Variants in NLRP9 observed in about 807,000 individuals in gnomAD.
The protein encoded by NLRP9 is NACHT, LRR and PYD domains-containing protein 9.
In NLRP9, 88 loss-of-function variants were observed where a neutral mutation model predicts 83.1. The ratio of observed to expected loss-of-function variants is 1.06; its 90% CI spans 0.89 to 1.26. The LOEUF (loss-of-function observed/expected upper bound fraction) is 1.26. NLRP9 is among the 50% of genes most tolerant of loss of function. The pLI is 0.00. For missense variants in NLRP9, 1,308 were observed against 1,179.3 expected (o/e 1.11, Z -1.60); for synonymous variants, 521 against 447.6 (o/e 1.16, Z -2.07).
chr19:55,711,538 C>G (rs1987725389), intron 8 of NLRP9: 1 of 1,193,734 alleles, frequency 8.4e-7, no homozygotes, highest in South Asian at 1.3e-5. Context: ...CGAGGGACTT[C>G]TGACAATTTC....
At chr19:55,728,355 T>C (rs1182677733) in intron 3 of NLRP9, among the ~76,000 whole-genome samples, 1 of 151,972 alleles carries the variant, frequency 6.6e-6, no homozygotes, top group Non-Finnish European at 1.5e-5. Flanking sequence ...GGCGGGCGCA[T>C]CACAAGGCCA....
chr19:55,735,797 C>G (rs1409067253), intron 1 of NLRP9, among the ~76,000 whole-genome samples: 5 of 151,982 alleles, frequency 3.3e-5, no homozygotes, highest in African/African-American at 9.7e-5. Flanking sequence ...TAGTGATTCT[C>G]GTGCCTCAGC....
rs776671959 is a variant in NLRP9 at position 55,712,403 on chromosome 19, G to A, written c.2672+17C>T. 13 of 1,597,878 alleles carry A rather than the reference G, an allele frequency of 8.1e-6. No homozygotes were observed. In the East Asian group the frequency reaches 2.5e-4, roughly 30 times the overall value. ...AATAGATAAATTTTCCTACGATGGT[G>A]ATCAGTAGATACTCACCCGAGACAC... On this transcript the variant is annotated intron_variant, in intron 7 of 8. Coordinates refer to ENST00000332836, the MANE Select transcript of NLRP9 (RefSeq NM_176820.4).
intron 1 of NLRP9, among the ~76,000 whole-genome samples, chr19:55,736,826 TC>T (rs1313308134): frequency 1.4e-5 from 2 of 146,170 alleles, no homozygotes; most frequent in Non-Finnish European, 3.0e-5. Context: ...AGAGCAAGAC[TC>T]CGTCTCAAAA....
At chr19:55,719,325 G>A (rs1043859139) in intron 4 of NLRP9, among the ~76,000 whole-genome samples, 2 of 152,094 alleles carry the variant, frequency 1.3e-5, no homozygotes, top group Non-Finnish European at 2.9e-5. Context: ...GCTAATTTTT[G>A]TATTTTTAGT....
chr19:55,723,925 C>G, intron 4 of NLRP9, 55 bp downstream of exon 4: 1 of 1,470,490 alleles, frequency 6.8e-7, no homozygotes, highest in Non-Finnish European at 9.3e-7. Context: ...GAAAATCAAA[C>G]TGCAAAGCCC....
rs752732237 is a variant in NLRP9 at position 55,736,409 on chromosome 19, G to A, written c.280+1686C>T. 2.6e-5 allele frequency among the ~76,000 whole-genome samples: 4 copies of A among 151,740 alleles called. No homozygotes were observed. The South Asian group carries it at 6.2e-4, about 24-fold the overall frequency. ...CCGTCTCAAAAAAGAAAAAAGTCATGTCATGTCTTAGAGATTTTTATAACA... is the reference window on the plus strand; with the variant it reads ...CCGTCTCAAAAAAGAAAAAAGTCATATCATGTCTTAGAGATTTTTATAACA... On this transcript the variant is annotated intron_variant, in intron 1 of 8. Coordinates refer to ENST00000332836, the MANE Select transcript of NLRP9 (RefSeq NM_176820.4).
Position 55,708,802 on chromosome 19 carries a change from A to G in NLRP9, c.*110T>C. 1.4e-6 allele frequency: 1 copy of G among 709,798 alleles called. No individual in the cohort carries two copies. The highest frequency in any genetic ancestry group is 2.3e-6 in the Non-Finnish European group (1 of 441,508). 44.0% of individuals were successfully genotyped at this position (709,798 alleles called of 1,614,324 possible). A position where few individuals can be genotyped will look rare whatever the true frequency, so the allele number is the denominator to read the frequency against. ...AGAACACTTAGGGAGTACCTCTGAA[A>G]TCACAGCCCTGCTGCCATGATGTGC... On this transcript the variant is annotated 3_prime_UTR_variant, in exon 9 of 9. Transcript: ENST00000332836.
chr19:55,729,770 C>A, intron 3 of NLRP9, 61 bp downstream of exon 3: 1 of 1,422,372 alleles, frequency 7.0e-7, no homozygotes, highest in Non-Finnish European at 9.6e-7. Flanking sequence ...TCCAAAAAGG[C>A]CACAGTAGAG....
Position 55,738,193 on chromosome 19 carries a change from T to C in NLRP9, c.182A>G (p.Lys61Arg). 1 of 1,614,152 alleles carries C rather than the reference T, an allele frequency of 6.2e-7. No homozygotes were observed. The highest frequency in any genetic ancestry group is 1.7e-5 in the Admixed American group (1 of 60,004). ...SKEDVAKLLDKHYPGKQAWEV... is the reference protein window; with the variant it reads ...SKEDVAKLLDRHYPGKQAWEV... ...CCATGCCTGCTTTCCTGGGTAATGT[T>C]TGTCCAGCAGCTTTGCTACATCTTC... Residue 61 changes from lysine (K) to arginine (R), a missense_variant, in exon 1 of 9, where the codon AAA becomes AGA. Coordinates refer to ENST00000332836, the MANE Select transcript of NLRP9 (RefSeq NM_176820.4).
chr19:55,735,692 A>AT lies in NLRP9; in HGVS notation c.281-2143dup, dbSNP rs533941254. ...AAAACACTATGCTATTTATTAAAAA[A>AT]TTTTTTTTTTTAGACAGAGTCTCAT... On this transcript the variant is annotated intron_variant, in intron 1 of 8. Transcript: ENST00000332836. Among the ~76,000 whole-genome samples the AT allele has an allele frequency of 1.7e-3, 250 of 148,762 alleles. 1 individual carries two copies. Among genetic ancestry groups the AT allele is most frequent in the African/African-American group, 5.6e-3 (227 of 40,718 alleles).
chr19:55,727,571 C>A (rs573246058), intron 3 of NLRP9, among the ~76,000 whole-genome samples: 7 of 152,216 alleles, frequency 4.6e-5, no homozygotes, highest in African/African-American at 1.4e-4. Context: ...ACTGCTTATG[C>A]GTTATAATCA....
chr19:55,725,291 T>C (rs1988366131), intron 3 of NLRP9, among the ~76,000 whole-genome samples: 1 of 152,152 alleles, frequency 6.6e-6, no homozygotes, highest in Non-Finnish European at 1.5e-5. Context: ...ATAATATGTA[T>C]TTATTAGCCT....
At chr19:55,710,734 C>T (rs1001336752) in intron 8 of NLRP9, among the ~76,000 whole-genome samples, 1 of 152,200 alleles carries the variant, frequency 6.6e-6, no homozygotes, top group African/African-American at 2.4e-5. Flanking sequence ...GCAGAAGCTG[C>T]TATGCTTCTT....
rs1228460389 is a variant in NLRP9, at chr19:55,737,760, A to AG, written c.280+334dup. 3.7e-5 allele frequency among the ~76,000 whole-genome samples: 5 copies of AG among 134,260 alleles called. No homozygotes were observed. The East Asian group carries it at 1.1e-3, about 29-fold the overall frequency. 88.1% of individuals were successfully genotyped at this position (134,260 alleles called of 152,430 possible). ...AAAAAAAAAAAAAAAAAAAAAAAAA[A>AG]GATAGGCAACTACCATACTAGAATT... is the stretch of plus-strand genomic sequence containing the variant. On this transcript the variant is annotated intron_variant, in intron 1 of 8. Coordinates refer to ENST00000332836, the MANE Select transcript of NLRP9 (RefSeq NM_176820.4).
chr19:55,723,224 T>C (rs939958321), intron 4 of NLRP9, among the ~76,000 whole-genome samples: 7 of 152,262 alleles, frequency 4.6e-5, no homozygotes, highest in East Asian at 3.9e-4. Flanking sequence ...GCTCTGACAA[T>C]GTTCAAGAGG....
rs1335330978 is a variant in NLRP9, at chr19:55,711,860, TCAGCATCCAAGGCAATC to T, written c.2766_2782del (p.Trp922Ter). The T allele has an allele frequency of 1.2e-6, 2 of 1,613,378 alleles. No homozygotes were observed. Among genetic ancestry groups the T allele is most frequent in the Middle Eastern group, 1.6e-4 (1 of 6,062 alleles). Reference sequence around the variant, plus strand: ...TGCCTCACACAGCACCACCACTGCATCAGCATCCAAGGCAATCCAGTCGAGGTTCAGGCTCCTCAGTG... The same window carrying T: ...TGCCTCACACAGCACCACCACTGCATCAGTCGAGGTTCAGGCTCCTCAGTG... On this transcript the variant is annotated stop_gained and frameshift_variant, in exon 8 of 9. Transcript: ENST00000332836. LOFTEE classifies it high-confidence loss of function.
At chr19:55,730,546 G>A (rs925014629) in intron 2 of NLRP9, among the ~76,000 whole-genome samples, 3 of 152,046 alleles carry the variant, frequency 2.0e-5, no homozygotes, top group Non-Finnish European at 2.9e-5. Context: ...AGAAAATGTG[G>A]TACATATACA....
chr19:55,717,179 G>A lies in NLRP9; in HGVS notation c.2160-281C>T, dbSNP rs551857338. Among the ~76,000 whole-genome samples, 14 of 151,832 alleles carry A rather than the reference G, an allele frequency of 9.2e-5. No individual in the cohort carries two copies. The East Asian group carries it at 1.4e-3, about 15-fold the overall frequency. On this transcript the variant is annotated intron_variant, in intron 4 of 8. Transcript: ENST00000332836. ...CTCCCAAGTAGCTGGGATTACAGGC[G>A]CCCGCCATCACGCCCAGTTCATTTG... is the stretch of plus-strand genomic sequence containing the variant.
Sources: allele counts gnomAD v4.1 joint callset (sites outside exome capture counted in the v4.1 genomes callset), GRCh38; gene constraint gnomAD v4.1.1; transcripts MANE v1.5; gene names NCBI Gene and HGNC (gene_info 2026-07-23, HGNC 2026-07-21).